The following BAZ2B variants were observed in gnomAD, a reference collection of about 807,000 sequenced individuals.
BAZ2B encodes the protein bromodomain adjacent to zinc finger domain protein 2B.
Under a neutral mutation model 246.0 loss-of-function variants are expected in BAZ2B, and 91 were observed. That is an observed-to-expected ratio of 0.37 (90% CI 0.31 to 0.44). BAZ2B has a LOEUF of 0.44. BAZ2B is among the 20% of genes least tolerant of loss of function. The pLI is 1.00. For missense variants in BAZ2B, 2,332 were observed against 2,533.7 expected, an observed-to-expected ratio of 0.92 and a Z score of 1.71; for synonymous variants, 855 against 860.0, an observed-to-expected ratio of 0.99 and a Z score of 0.10.
the BAZ2B span, among the ~76,000 whole-genome samples, chr2:159,635,451 C>G: frequency 6.6e-6 from 1 of 152,112 alleles, no homozygotes; most frequent in African/African-American, 2.4e-5. Flanking sequence ...TGATGAGTCT[C>G]AAGATCACAG....
At chr2:159,494,057 CT>C (rs969718530) in intron 2 of BAZ2B, among the ~76,000 whole-genome samples, 2 of 152,152 alleles carry the variant, frequency 1.3e-5, no homozygotes, top group African/African-American at 4.8e-5. Flanking sequence ...TTCCACTGCC[CT>C]TTTATACTAG....
chr2:159,361,722 T>C (rs367641856), intron 27 of BAZ2B, among the ~76,000 whole-genome samples: 1 of 152,066 alleles, frequency 6.6e-6, no homozygotes, highest in African/African-American at 2.4e-5. Flanking sequence ...CCATAAATGA[T>C]AGACTAGATA....
chr2:159,349,345 G>T, intron 28 of BAZ2B, 65 bp from the exon 29 acceptor site: 2 of 1,429,866 alleles, frequency 1.4e-6, no homozygotes, highest in South Asian at 1.6e-5. Context: ...AAAATGTTTG[G>T]AATATGAAAT....
the BAZ2B span, among the ~76,000 whole-genome samples, chr2:159,645,762 C>T: frequency 6.6e-6 from 1 of 152,044 alleles, no homozygotes; most frequent in Middle Eastern, 3.2e-3. Flanking sequence ...CCGGGGGAGA[C>T]ATCACATGTC....
chr2:159,463,331 C>T, intron 3 of BAZ2B: 1 of 262,036 alleles, frequency 3.8e-6, no homozygotes, highest in Non-Finnish European at 7.6e-6. Context: ...GTTAATCGTT[C>T]TGCAATGAAC....
rs771936763 is a variant in BAZ2B, at chr2:159,337,656, G to A, written c.5571C>T (p.Ser1857=). The change falls in exon 32 of 37, where the codon AGC becomes AGT. Residue 1857 remains serine (S), a synonymous_variant. Coordinates refer to ENST00000392783, the MANE Select transcript of BAZ2B (RefSeq NM_013450.4). The part of the protein sequence containing the change: ...HDGEFTGEDE[S]SAHALERKSD... ...TCTTCCGTTCTAGTGCATGTGCACT[G>A]CTTTCGTCTTCGCCAGTAAATTCTC... 3.7e-6 allele frequency: 6 copies of A among 1,614,180 alleles called. No individual in the cohort carries two copies. Among genetic ancestry groups the A allele is most frequent in the Non-Finnish European group, 5.1e-6 (6 of 1,180,026 alleles).
Position 159,453,754 on chromosome 2 carries a change from C to T in BAZ2B, c.193G>A (p.Val65Met). ...CTGACCATTGGGAAGGCACTCGACA[C>T]TGTGGACAGGTTAAACGGTTGATCC... is the stretch of plus-strand genomic sequence containing the variant. ...AGDQPFNLST[V>M]SSAFPMVSHP... Residue 65 changes from valine (V) to methionine (M), a missense_variant, in exon 4 of 37, where the codon GTG becomes ATG. Around this residue, in one of 9 missense-constraint regions of BAZ2B, gnomAD observed 242 missense variants for 237.4 expected, o/e 1.02. Transcript: ENST00000392783. 3 of 1,612,998 alleles carry T rather than the reference C, an allele frequency of 1.9e-6. No individual in the cohort carries two copies. Among genetic ancestry groups the T allele is most frequent in the Non-Finnish European group, 2.5e-6 (3 of 1,179,498 alleles).
chr2:159,449,214 C>A (rs34987510), intron 4 of BAZ2B, among the ~76,000 whole-genome samples: 54,944 of 151,788 alleles, frequency 0.36, 10,688 homozygotes, highest in Non-Finnish European at 0.46. Context: ...AGGAAATAAG[C>A]CAAATTTTAT....
chr2:159,472,572 AGG>A (rs2077946731), intron 3 of BAZ2B, among the ~76,000 whole-genome samples: 1 of 152,220 alleles, frequency 6.6e-6, no homozygotes, highest in Non-Finnish European at 1.5e-5. Context: ...CGGTTTTCAA[AGG>A]GAATGCTTCC....
At chr2:159,578,017 G>A (rs987007304) in intron 1 of BAZ2B, among the ~76,000 whole-genome samples, 1 of 152,110 alleles carries the variant, frequency 6.6e-6, no homozygotes, top group Admixed American at 6.6e-5. Context: ...ATCACCTGCT[G>A]ACAAAAAGAA....
chr2:159,561,582 C>T (rs2089880910), intron 1 of BAZ2B, among the ~76,000 whole-genome samples: 1 of 152,196 alleles, frequency 6.6e-6, no homozygotes, highest in South Asian at 2.1e-4. Context: ...TACTAAGGAA[C>T]CAACTTGTAA....
chr2:159,425,361 AG>A (rs2069610232), intron 13 of BAZ2B, among the ~76,000 whole-genome samples: 1 of 152,062 alleles, frequency 6.6e-6, no homozygotes, highest in South Asian at 2.1e-4. Flanking sequence ...TTGTATTTTT[AG>A]TAGAGAAGGG....
intron 1 of BAZ2B, among the ~76,000 whole-genome samples, chr2:159,604,932 T>TTGTG (rs144735173): frequency 0.011 from 1,370 of 123,326 alleles, 13 homozygotes; most frequent in African/African-American, 0.025. Flanking sequence ...TTAATATATT[T>TTGTG]TGTGTGTGTG....
chr2:159,580,758 T>TACTACAC (rs902961294), intron 1 of BAZ2B, among the ~76,000 whole-genome samples: 16 of 151,896 alleles, frequency 1.1e-4, no homozygotes, highest in Admixed American at 6.6e-4. Context: ...TCAGAAATAA[T>TACTACAC]ACTACACATC....
At chr2:159,469,918 G>C (rs1406873640) in intron 3 of BAZ2B, among the ~76,000 whole-genome samples, 1 of 152,086 alleles carries the variant, frequency 6.6e-6, no homozygotes. Context: ...AGAGAGGCAG[G>C]AATCTTACCC....
At chr2:159,424,039 G>A (rs1252194270) in intron 13 of BAZ2B, among the ~76,000 whole-genome samples, 2 of 151,960 alleles carry the variant, frequency 1.3e-5, no homozygotes, top group Admixed American at 1.3e-4. Context: ...ATAAAGCACT[G>A]TGTCCCTAAA....
At chr2:159,436,330 T>C (rs934665230) in intron 8 of BAZ2B, among the ~76,000 whole-genome samples, 27 of 152,356 alleles carry the variant, frequency 1.8e-4, no homozygotes, top group Admixed American at 1.2e-3. Flanking sequence ...AAGATTTCTA[T>C]ATTTTATCCC....
the BAZ2B span, among the ~76,000 whole-genome samples, chr2:159,644,815 T>G: frequency 6.6e-6 from 1 of 152,182 alleles, no homozygotes; most frequent in Non-Finnish European, 1.5e-5. Context: ...ACCCTTCGTG[T>G]TCTCTTCAGA....
At chr2:159,525,975 G>T (rs1003330628) in intron 2 of BAZ2B, among the ~76,000 whole-genome samples, 2 of 152,110 alleles carry the variant, frequency 1.3e-5, no homozygotes, top group Admixed American at 6.5e-5. Context: ...TTACAATAAG[G>T]ATATTGCAAT....
Sources: gnomAD v4.1 joint callset for allele counts (sites outside exome capture counted in the v4.1 genomes callset) on GRCh38, gnomAD v4.1.1 for gene constraint, gnomAD v4.1.1 regional missense constraint, MANE v1.5 for transcripts, NCBI Gene and HGNC (gene_info 2026-07-23, HGNC 2026-07-21) for gene names.